Variants in CCDC148 observed in about 807,000 individuals in gnomAD.
The protein encoded by CCDC148 is coiled-coil domain-containing protein 148.
A neutral mutation model predicts 85.7 loss-of-function variants in CCDC148; 89 were observed. That is an observed-to-expected ratio of 1.04 (90% CI 0.87 to 1.24). The LOEUF is 1.24. CCDC148 is among the 50% of genes most tolerant of loss of function. The pLI is 0.00. For missense variants in CCDC148, 692 were observed against 671.7 expected (o/e 1.03, Z -0.33); for synonymous variants, 230 against 213.9 (o/e 1.08, Z -0.66).
At chr2:158,214,630 ATGTAAATACTGCACACACATC>A (rs1686752327) in intron 11 of CCDC148, among the ~76,000 whole-genome samples, 1 of 152,164 alleles carries the variant, frequency 6.6e-6, no homozygotes, top group African/African-American at 2.4e-5. Context: ...ACTCTAACTC[ATGTAAATACTGCACACACATC>A]TGTCAGCTTT....
At chr2:158,285,192 G>T (rs1446214482) in intron 9 of CCDC148, among the ~76,000 whole-genome samples, 1 of 151,608 alleles carries the variant, frequency 6.6e-6, no homozygotes, top group South Asian at 2.1e-4. Flanking sequence ...GGAGACTGAG[G>T]CAGGAGAATC....
chr2:158,220,267 T>C lies in CCDC148; in HGVS notation c.1370+328A>G, dbSNP rs762068408. Among the ~76,000 whole-genome samples the C allele has an allele frequency of 2.0e-5, 3 of 152,184 alleles. No homozygotes were observed. The South Asian group carries it at 6.2e-4, about 31-fold the overall frequency. Reference sequence around the variant, plus strand: ...TGGGTCTTCCTTCTTATTTGAATAATGGTTTCCTCCTTCTGGGTCAAGAGA... The same window carrying C: ...TGGGTCTTCCTTCTTATTTGAATAACGGTTTCCTCCTTCTGGGTCAAGAGA... On this transcript the variant is annotated intron_variant, in intron 11 of 13. Transcript: ENST00000283233.
intron 11 of CCDC148, among the ~76,000 whole-genome samples, chr2:158,181,110 T>C (rs541667894): frequency 6.6e-6 from 1 of 152,246 alleles, no homozygotes; most frequent in South Asian, 2.1e-4. Flanking sequence ...AATTAAAAAA[T>C]ACCCTGGGAT....
intron 1 of CCDC148, among the ~76,000 whole-genome samples, chr2:158,432,800 G>A (rs748890962): frequency 1.1e-4 from 17 of 152,024 alleles, no homozygotes; most frequent in Admixed American, 2.6e-4. Flanking sequence ...GAGACCAGGC[G>A]TAATGGCTCA....
At chr2:158,200,489 C>T (rs1685900254) in intron 11 of CCDC148, among the ~76,000 whole-genome samples, 1 of 152,188 alleles carries the variant, frequency 6.6e-6, no homozygotes, top group Non-Finnish European at 1.5e-5. Flanking sequence ...TACCCATTTG[C>T]TTACATATTG....
intron 2 of CCDC148, among the ~76,000 whole-genome samples, chr2:158,355,068 G>C (rs1295106507): frequency 6.6e-6 from 1 of 151,770 alleles, no homozygotes; most frequent in Non-Finnish European, 1.5e-5. Context: ...AGGTATTGAT[G>C]GGACGTATTT....
intron 1 of CCDC148, among the ~76,000 whole-genome samples, chr2:158,428,072 C>A (rs1018481123): frequency 6.6e-6 from 1 of 152,052 alleles, no homozygotes; most frequent in African/African-American, 2.4e-5. Context: ...AAGGAAGGGG[C>A]TGACATGCTC....
At chr2:158,362,777 A>G (rs906424417) in intron 1 of CCDC148, among the ~76,000 whole-genome samples, 1 of 152,192 alleles carries the variant, frequency 6.6e-6, no homozygotes, top group Non-Finnish European at 1.5e-5. Context: ...AAGCAAGAGC[A>G]AACAAATTCA....
At chr2:158,206,835 T>A (rs918753557) in intron 11 of CCDC148, among the ~76,000 whole-genome samples, 27 of 152,144 alleles carry the variant, frequency 1.8e-4, no homozygotes, top group African/African-American at 6.5e-4. Context: ...TGGCCTACTA[T>A]GTGTGTATCA....
chr2:158,272,529 A>G (rs1689742904), intron 9 of CCDC148, among the ~76,000 whole-genome samples: 1 of 152,192 alleles, frequency 6.6e-6, no homozygotes, highest in African/African-American at 2.4e-5. Context: ...TGCCTTAACT[A>G]TAGGTTAAAT....
At chr2:158,323,144 T>G (rs563107583) in intron 7 of CCDC148, among the ~76,000 whole-genome samples, 2 of 152,194 alleles carry the variant, frequency 1.3e-5, no homozygotes, top group Non-Finnish European at 2.9e-5. Context: ...AGAGGTTCAA[T>G]TGTAGTCAAA....
In CCDC148 at chr2:158,338,760, G is replaced by A. The variant is rs1349516281; in HGVS notation, c.730C>T (p.Gln244Ter). 6.2e-7 allele frequency: 1 copy of A among 1,610,436 alleles called. No individual in the cohort carries two copies. Among genetic ancestry groups the A allele is most frequent in the African/African-American group, 1.3e-5 (1 of 74,644 alleles). Residue 244 changes from glutamine (Q) to a stop codon, truncating the protein, a stop_gained, in exon 7 of 14, where the codon CAA becomes TAA. Transcript: ENST00000283233. LOFTEE classifies it high-confidence loss of function. ...KFTQKYQKKLQDFNLQLEDIY... is the reference protein window; with the variant it reads ...KFTQKYQKKL Reference sequence around the variant, plus strand: ...TCTTCCAACTGCAGATTAAAGTCTTGAAGCTTCTTCTGATATTTCTGTGTA... The same window carrying A: ...TCTTCCAACTGCAGATTAAAGTCTTAAAGCTTCTTCTGATATTTCTGTGTA...
chr2:158,397,569 A>G (rs1018805875), intron 1 of CCDC148, among the ~76,000 whole-genome samples: 16 of 152,210 alleles, frequency 1.1e-4, no homozygotes, highest in African/African-American at 3.9e-4. Context: ...TTTATATACC[A>G]GCAAATGCTG....
intron 1 of CCDC148, among the ~76,000 whole-genome samples, chr2:158,404,221 A>G (rs1325385615): frequency 6.6e-6 from 1 of 152,130 alleles, no homozygotes; most frequent in Non-Finnish European, 1.5e-5. Context: ...TGAGGTTGAA[A>G]GGGGGCTCTA....
intron 9 of CCDC148, 88 bp from the exon 10 acceptor site, chr2:158,251,000 C>A: frequency 8.5e-7 from 1 of 1,181,378 alleles, no homozygotes; most frequent in Non-Finnish European, 1.2e-6. Flanking sequence ...CTATATCAAG[C>A]AGATGTCACT....
At chr2:158,342,026 CTTTTTTTTTT>C (rs1159799812) in intron 3 of CCDC148, among the ~76,000 whole-genome samples, 2 of 62,660 alleles carry the variant, frequency 3.2e-5, no homozygotes, top group African/African-American at 1.4e-4. Context: ...ATTTTCTTTT[CTTTTTTTTTT>C]TTTTTTTTTT....
intron 10 of CCDC148, among the ~76,000 whole-genome samples, chr2:158,240,840 T>C (rs372154242): frequency 1.6e-4 from 24 of 152,230 alleles, no homozygotes; most frequent in African/African-American, 5.3e-4. Flanking sequence ...GGTAAATTAA[T>C]AGAAAGAGAG....
rs184086799 is a variant in CCDC148, at chr2:158,190,292, C to T, written c.1371-11296G>A. The stretch of plus-strand genomic sequence containing the variant: ...ATGTTGGCTTTCAGAAATTATTTAT[C>T]ATGAACTGAAATTTAAAAGGCCACC... On this transcript the variant is annotated intron_variant, in intron 11 of 13. Coordinates refer to ENST00000283233, the MANE Select transcript of CCDC148 (RefSeq NM_138803.4). Among the ~76,000 whole-genome samples, 22 of 152,068 alleles carry T rather than the reference C, an allele frequency of 1.4e-4. 1 individual carries two copies. In the East Asian group the frequency reaches 4.3e-3, roughly 29 times the overall value.
intron 10 of CCDC148, among the ~76,000 whole-genome samples, chr2:158,224,483 T>C (rs1212856274): frequency 2.0e-5 from 3 of 152,086 alleles, no homozygotes; most frequent in Non-Finnish European, 4.4e-5. Context: ...AGATACTCCT[T>C]GAGAAGAGCA....
Sources: gnomAD v4.1 joint callset for allele counts (sites outside exome capture counted in the v4.1 genomes callset) on GRCh38, gnomAD v4.1.1 for gene constraint, MANE v1.5 for transcripts, NCBI Gene and HGNC (gene_info 2026-07-23, HGNC 2026-07-21) for gene names.